FAT4: variants seen among roughly 807,000 people sequenced by gnomAD.
FAT4 encodes the protein FAT atypical cadherin 4, also known as protocadherin Fat 4.
Under a neutral mutation model 303.9 loss-of-function variants are expected in FAT4, and 84 were observed. That is an observed-to-expected ratio of 0.28 (90% CI 0.23 to 0.33). FAT4 has a LOEUF of 0.33. FAT4 is among the 10% of genes least tolerant of loss of function. The pLI is 1.00. For synonymous variants in FAT4, 2,307 were observed against 2,298.8 expected, an observed-to-expected ratio of 1.00 and a Z score of -0.10; for missense variants, 6,005 against 6,146.8, an observed-to-expected ratio of 0.98 and a Z score of 0.77.
rs569760603 is a variant in FAT4 at position 125,492,218 on chromosome 4, G to A, written c.*450G>A. The A allele has an allele frequency of 4.4e-5, 7 of 158,284 alleles. No individual in the cohort carries two copies. The highest frequency in any genetic ancestry group is 1.8e-4 in the South Asian group (1 of 5,474). The allele number at this position is 158,284 out of a possible 1,614,324, so 9.8% of individuals were successfully genotyped here. A position where few individuals can be genotyped will look rare whatever the true frequency, so the allele number is the denominator to read the frequency against. On this transcript the variant is annotated 3_prime_UTR_variant, in exon 18 of 18. Coordinates refer to ENST00000394329, the MANE Select transcript of FAT4 (RefSeq NM_001291303.3). ...AAGTGTAAAAAGGAACCCTCCTATC[G>A]TGGAATGAAAGATTAAGTATATTAA...
At position 125,318,262 on chromosome 4, in the gene FAT4, A is replaced by G. The variant is rs1156820705; in HGVS notation, c.1851A>G (p.Thr617=). Residue 617 remains threonine, a synonymous_variant, in exon 2 of 18, where the codon ACA becomes ACG. Coordinates refer to ENST00000394329, the MANE Select transcript of FAT4 (RefSeq NM_001291303.3). ...ATDGDLGDNG[T]VRFSLQEAET... is the part of the protein sequence containing the mutation. Reference sequence around the variant, plus strand: ...ACGGGGACCTGGGTGACAACGGAACAGTGCGCTTCTCCTTACAAGAGGCAG... The same window carrying G: ...ACGGGGACCTGGGTGACAACGGAACGGTGCGCTTCTCCTTACAAGAGGCAG... 1 of 1,614,200 alleles carries G rather than the reference A, an allele frequency of 6.2e-7. No individual in the cohort carries two copies. Among genetic ancestry groups the G allele is most frequent in the Non-Finnish European group, 8.5e-7 (1 of 1,180,044 alleles).
intron 2 of FAT4, among the ~76,000 whole-genome samples, chr4:125,324,842 T>A (rs1355959710): frequency 6.6e-6 from 1 of 152,192 alleles, no homozygotes; most frequent in Non-Finnish European, 1.5e-5. Flanking sequence ...TAAAAATATT[T>A]GTTAATTCAT....
intron 2 of FAT4, among the ~76,000 whole-genome samples, chr4:125,360,005 A>C (rs907121222): frequency 1.3e-5 from 2 of 152,142 alleles, no homozygotes; most frequent in Non-Finnish European, 2.9e-5. Context: ...ATTTTCCCTC[A>C]GGATGAAACA....
chr4:125,461,251 T>C (rs1578672513), intron 10 of FAT4, among the ~76,000 whole-genome samples: 1 of 152,142 alleles, frequency 6.6e-6, no homozygotes, highest in East Asian at 1.9e-4. Context: ...CATATAATTA[T>C]ACACAAAAAG....
chr4:125,383,974 G>T (rs184051962), intron 2 of FAT4, among the ~76,000 whole-genome samples: 95 of 152,308 alleles, frequency 6.2e-4, no homozygotes, highest in Non-Finnish European at 8.8e-5. Context: ...TTGAGCATAA[G>T]AGGGATACTA....
At chr4:125,331,488 G>T (rs1470604798) in intron 2 of FAT4, among the ~76,000 whole-genome samples, 1 of 152,142 alleles carries the variant, frequency 6.6e-6, no homozygotes, top group Non-Finnish European at 1.5e-5. Context: ...GACTTGATTG[G>T]CTAAGAACGT....
intron 11 of FAT4, among the ~76,000 whole-genome samples, chr4:125,467,721 G>A (rs751362384): frequency 6.6e-6 from 1 of 152,064 alleles, no homozygotes; most frequent in Admixed American, 6.6e-5. Context: ...TGTGGCCCTT[G>A]AAAATAACAT....
chr4:125,404,620 T>A (rs1429135982), intron 3 of FAT4, among the ~76,000 whole-genome samples: 1 of 152,154 alleles, frequency 6.6e-6, no homozygotes, highest in East Asian at 1.9e-4. Flanking sequence ...GATTTCTAAA[T>A]GTACAATACA....
chr4:125,409,035 TC>T (rs1734738889), intron 5 of FAT4, among the ~76,000 whole-genome samples: 1 of 152,046 alleles, frequency 6.6e-6, no homozygotes, highest in Admixed American at 6.6e-5. Context: ...ATCTTATTTT[TC>T]CCCCTAAATG....
intron 2 of FAT4, among the ~76,000 whole-genome samples, chr4:125,350,442 T>C (rs557506540): frequency 6.6e-6 from 1 of 151,912 alleles, no homozygotes; most frequent in African/African-American, 2.4e-5. Context: ...TTAATGCTGA[T>C]TTTTTTAAAT....
intron 10 of FAT4, among the ~76,000 whole-genome samples, chr4:125,463,355 AT>A (rs1485502088): frequency 1.3e-5 from 2 of 152,050 alleles, no homozygotes; most frequent in Middle Eastern, 3.2e-3. Context: ...TTTCCTAAGT[AT>A]TATAATGCAC....
intron 7 of FAT4, among the ~76,000 whole-genome samples, chr4:125,420,090 T>C (rs529646901): frequency 2.6e-5 from 4 of 152,336 alleles, no homozygotes; most frequent in Admixed American, 1.3e-4. Context: ...AATGTCAACT[T>C]CTCAGAGAGG....
Position 125,491,384 on chromosome 4 carries a change from A to G in FAT4, c.14568A>G (p.Glu4856=). The G allele has an allele frequency of 6.2e-7, 1 of 1,614,186 alleles. No individual in the cohort carries two copies. The change falls in exon 18 of 18, where the codon GAA becomes GAG. Residue 4856 remains glutamate, a synonymous_variant. Transcript: ENST00000394329. ...AATCTTTCACTTGCTCAGAAATGGA[A>G]TATGACAGGGAGAAGCCAATGGTAT... The part of the protein sequence containing the change: ...SHESFTCSEM[E]YDREKPMVYT...
intron 11 of FAT4, among the ~76,000 whole-genome samples, chr4:125,464,031 G>A (rs1661146928): frequency 6.6e-6 from 1 of 152,072 alleles, no homozygotes; most frequent in African/African-American, 2.4e-5. Flanking sequence ...AGTAGTCAAA[G>A]TAAGGTTTTT....
At chr4:125,409,326 A>T (rs1648094673) in intron 5 of FAT4, among the ~76,000 whole-genome samples, 2 of 151,274 alleles carry the variant, frequency 1.3e-5, no homozygotes, top group African/African-American at 4.9e-5. Context: ...ATGCAATCTC[A>T]GCTCACTGCA....
intron 14 of FAT4, 51 bp from the exon 15 acceptor site, chr4:125,479,690 C>T: frequency 4.1e-6 from 6 of 1,454,314 alleles, no homozygotes; most frequent in Admixed American, 2.1e-5. Flanking sequence ...TTTTAGCAAA[C>T]TTCTCCTCAT....
intron 8 of FAT4, among the ~76,000 whole-genome samples, chr4:125,436,503 C>G (rs1393192207): frequency 6.6e-6 from 1 of 152,062 alleles, no homozygotes; most frequent in Non-Finnish European, 1.5e-5. Context: ...CATTTAAAAC[C>G]AATAAACTGA....
intron 7 of FAT4, among the ~76,000 whole-genome samples, chr4:125,430,233 C>CATAAAAGAAG (rs1725239711): frequency 6.6e-6 from 1 of 151,276 alleles, no homozygotes; most frequent in Non-Finnish European, 1.5e-5. Flanking sequence ...TCAATTAGCA[C>CATAAAAGAAG]ATAAAAGAAG....
chr4:125,476,344 G>A, intron 13 of FAT4, 88 bp downstream of exon 13: 1 of 566,610 alleles, frequency 1.8e-6, no homozygotes, highest in Non-Finnish European at 2.9e-6. Flanking sequence ...AGGATGCTAA[G>A]TAGTACATAA....
Sources: allele counts gnomAD v4.1 joint callset (sites outside exome capture counted in the v4.1 genomes callset), GRCh38; gene constraint gnomAD v4.1.1; transcripts MANE v1.5; gene names NCBI Gene and HGNC (gene_info 2026-07-23, HGNC 2026-07-21).